The following TRPM3 variants were observed in gnomAD, a reference collection of about 807,000 sequenced individuals.
TRPM3 encodes transient receptor potential cation channel subfamily M member 3.
A neutral mutation model predicts 181.2 loss-of-function variants in TRPM3; 77 were observed. The observed-to-expected ratio is 0.42, with a 90% CI of 0.35 to 0.51. TRPM3 has a LOEUF of 0.51. Among genes scored for constraint, TRPM3 ranks in the 20% least tolerant of loss-of-function variants. The pLI is 0.01. For missense variants in TRPM3, 1,759 were observed against 2,196.7 expected, an observed-to-expected ratio of 0.80 and a Z score of 3.98; for synonymous variants, 745 against 796.4, an observed-to-expected ratio of 0.94 and a Z score of 1.09.
intron 1 of TRPM3, among the ~76,000 whole-genome samples, chr9:71,399,377 A>T (rs1481671975): frequency 6.6e-6 from 1 of 152,134 alleles, no homozygotes. Flanking sequence ...AAAACTGTAT[A>T]TTTTATGTGA....
chr9:71,180,903 G>C (rs1194069456), intron 1 of TRPM3, among the ~76,000 whole-genome samples: 1 of 152,044 alleles, frequency 6.6e-6, no homozygotes. Flanking sequence ...TCTAATTATA[G>C]AATACAGGTA....
intron 12 of TRPM3, among the ~76,000 whole-genome samples, chr9:70,632,673 A>T (rs17055449): frequency 0.018 from 2,778 of 152,214 alleles, 96 homozygotes; most frequent in African/African-American, 0.061. Context: ...TGGTAACTGC[A>T]TGCTTATATA....
At chr9:71,402,432 C>T (rs1197218535) in intron 1 of TRPM3, among the ~76,000 whole-genome samples, 4 of 152,160 alleles carry the variant, frequency 2.6e-5, no homozygotes, top group Non-Finnish European at 5.9e-5. Flanking sequence ...CTCCTCCCTA[C>T]TCAGCTAAGT....
At chr9:71,247,576 G>A (rs1174865643) in intron 1 of TRPM3, among the ~76,000 whole-genome samples, 2 of 152,040 alleles carry the variant, frequency 1.3e-5, no homozygotes, top group East Asian at 3.9e-4. Context: ...GAAGGGAGAA[G>A]AGGTATTCCA....
intron 6 of TRPM3, among the ~76,000 whole-genome samples, chr9:70,817,555 G>A (rs1307461553): frequency 6.6e-6 from 1 of 152,184 alleles, no homozygotes; most frequent in Non-Finnish European, 1.5e-5. Context: ...ATGGTTATAA[G>A]GTGTATCGAG....
rs35293338 is a variant in TRPM3, at chr9:70,876,314, CATATAT to C, written c.178-11809_178-11804del. Among the ~76,000 whole-genome samples the C allele has an allele frequency of 1.1e-4, 16 of 148,196 alleles. No individual in the cohort carries two copies. The East Asian group carries it at 2.8e-3, about 26-fold the overall frequency. Reference sequence around the variant, plus strand: ...ATATATAGACATATACATATATAGACATATATATATATAAACTTTAAATATATTAAT... The same window carrying C: ...ATATATAGACATATACATATATAGACATATATAAACTTTAAATATATTAAT... On this transcript the variant is annotated intron_variant, in intron 1 of 25. Coordinates refer to ENST00000677713, the MANE Select transcript of TRPM3 (RefSeq NM_001366145.2).
At chr9:70,997,893 T>G (rs1284916265) in intron 1 of TRPM3, among the ~76,000 whole-genome samples, 1 of 152,084 alleles carries the variant, frequency 6.6e-6, no homozygotes, top group African/African-American at 2.4e-5. Context: ...ATACGAAGTT[T>G]CAACACTCCT....
intron 1 of TRPM3, among the ~76,000 whole-genome samples, chr9:70,875,071 A>T (rs982430224): frequency 6.6e-6 from 1 of 151,894 alleles, no homozygotes; most frequent in African/African-American, 2.4e-5. Context: ...TGGCTGTCGG[A>T]TCTTGTTTCT....
chr9:71,305,974 T>C (rs1255837945), intron 1 of TRPM3, among the ~76,000 whole-genome samples: 1 of 152,178 alleles, frequency 6.6e-6, no homozygotes, highest in Non-Finnish European at 1.5e-5. Flanking sequence ...GAAAGGGTGC[T>C]TTGTTGTACA....
intron 9 of TRPM3, among the ~76,000 whole-genome samples, chr9:70,643,188 A>G (rs2058315682): frequency 6.6e-6 from 1 of 152,208 alleles, no homozygotes; most frequent in Non-Finnish European, 1.5e-5. Context: ...TGATAAGTAG[A>G]AATGTGTCAA....
intron 1 of TRPM3, among the ~76,000 whole-genome samples, chr9:71,390,035 A>G (rs943255493): frequency 3.3e-5 from 5 of 152,090 alleles, no homozygotes; most frequent in Non-Finnish European, 7.4e-5. Flanking sequence ...AGAAGCACAC[A>G]TGTGTGCACA....
At chr9:70,644,487 G>C (rs1318456762) in intron 9 of TRPM3, among the ~76,000 whole-genome samples, 1 of 152,088 alleles carries the variant, frequency 6.6e-6, no homozygotes, top group African/African-American at 2.4e-5. Flanking sequence ...TGCAGAAAAG[G>C]CCTTCAATAA....
chr9:70,817,772 CTCTT>C (rs997658672), intron 6 of TRPM3, among the ~76,000 whole-genome samples: 59 of 152,184 alleles, frequency 3.9e-4, no homozygotes, highest in African/African-American at 1.3e-3. Flanking sequence ...GTCTTGGCCT[CTCTT>C]TATTTAGTAT....
At chr9:71,410,543 C>T (rs1037015040) in intron 1 of TRPM3, among the ~76,000 whole-genome samples, 1 of 152,126 alleles carries the variant, frequency 6.6e-6, no homozygotes, top group Non-Finnish European at 1.5e-5. Context: ...ATGCACCCTC[C>T]AAAGACTAAA....
chr9:70,842,553 T>C (rs2094746717), intron 5 of TRPM3, among the ~76,000 whole-genome samples: 1 of 152,132 alleles, frequency 6.6e-6, no homozygotes, highest in Admixed American at 6.6e-5. Flanking sequence ...AAAGAATCTC[T>C]CTCTGCAACT....
At chr9:70,589,974 T>G (rs2057842333) in intron 22 of TRPM3, among the ~76,000 whole-genome samples, 1 of 152,198 alleles carries the variant, frequency 6.6e-6, no homozygotes, top group Non-Finnish European at 1.5e-5. Flanking sequence ...TCTCTGCTCC[T>G]GCTCTTAATA....
intron 6 of TRPM3, among the ~76,000 whole-genome samples, chr9:70,813,790 C>T (rs1160836406): frequency 6.6e-6 from 1 of 152,180 alleles, no homozygotes; most frequent in Non-Finnish European, 1.5e-5. Flanking sequence ...GCAGTCTGAC[C>T]TTGTGCCTCT....
At chr9:70,656,191 T>C (rs1589863621) in intron 9 of TRPM3, among the ~76,000 whole-genome samples, 3 of 152,246 alleles carry the variant, frequency 2.0e-5, no homozygotes, top group African/African-American at 7.2e-5. Context: ...AGCAATTTTA[T>C]ACTAATTCCT....
chr9:71,252,315 G>C, intron 1 of TRPM3, among the ~76,000 whole-genome samples: 1 of 152,124 alleles, frequency 6.6e-6, no homozygotes, highest in Non-Finnish European at 1.5e-5. Flanking sequence ...CAGCGTATCA[G>C]GGTAACACAG....
Sources: gnomAD v4.1 joint callset for allele counts (sites outside exome capture counted in the v4.1 genomes callset) on GRCh38, gnomAD v4.1.1 for gene constraint, MANE v1.5 for transcripts, NCBI Gene and HGNC (gene_info 2026-07-23, HGNC 2026-07-21) for gene names.